POU6F2: variants seen among roughly 807,000 people sequenced by gnomAD.
The protein encoded by POU6F2 is POU domain, class 6, transcription factor 2.
Under a neutral mutation model 71.3 loss-of-function variants are expected in POU6F2, and 31 were observed. The ratio of observed to expected loss-of-function variants is 0.43; its 90% CI spans 0.33 to 0.59. The LOEUF is 0.59. POU6F2 is among the 20% of genes least tolerant of loss of function. The probability of loss-of-function intolerance (pLI) is 0.04; values close to 1 mark genes in which losing one functional copy is unlikely to be tolerated. For synonymous variants in POU6F2, 347 were observed against 355.7 expected (o/e 0.98, Z 0.27); for missense variants, 783 against 856.8 (o/e 0.91, Z 1.07).
rs547465307 is a variant in POU6F2, at chr7:39,231,010, T to C, written c.598+23390T>C. ...TTGTTGTTGTAATTGGTGGTGGTGG[T>C]GCTACTGGCATCTAGAGGGTAGAGA... On this transcript the variant is annotated intron_variant, in intron 4 of 9. Transcript: ENST00000518318. Among the ~76,000 whole-genome samples, 3 of 152,302 alleles carry C rather than the reference T, an allele frequency of 2.0e-5. No individual in the cohort carries two copies. In the South Asian group the frequency reaches 6.2e-4, roughly 32 times the overall value.
intron 1 of POU6F2, among the ~76,000 whole-genome samples, chr7:39,007,979 AT>A (rs1789135090): frequency 6.7e-6 from 1 of 149,694 alleles, no homozygotes; most frequent in Admixed American, 6.7e-5. Flanking sequence ...TAGTGCCGCA[AT>A]AAACATACGT....
intron 1 of POU6F2, among the ~76,000 whole-genome samples, chr7:39,070,171 A>G (rs985105183): frequency 3.9e-5 from 6 of 152,344 alleles, no homozygotes; most frequent in African/African-American, 1.4e-4. Flanking sequence ...TTGATTCTCA[A>G]AAGGAATTTG....
In POU6F2 at chr7:39,296,163, T is replaced by C. The variant is rs151035090; in HGVS notation, c.599-43479T>C. ...CCAGTCTTCCTACATAGATTCCTGCTGTACATTCTCTGGGTTTTTATCTTT... is the reference window on the plus strand; with the variant it reads ...CCAGTCTTCCTACATAGATTCCTGCCGTACATTCTCTGGGTTTTTATCTTT... On this transcript the variant is annotated intron_variant, in intron 4 of 9. Transcript: ENST00000518318. 7.4e-3 allele frequency among the ~76,000 whole-genome samples: 1,130 copies of C among 152,334 alleles called. 16 individuals are homozygous for C. The highest frequency in any genetic ancestry group is 0.026 in the African/African-American group (1,086 of 41,576).
At chr7:39,219,175 C>G (rs1794301090) in intron 4 of POU6F2, among the ~76,000 whole-genome samples, 1 of 152,048 alleles carries the variant, frequency 6.6e-6, no homozygotes. Context: ...TGTTGCTTAC[C>G]CCTTATTTAG....
intron 1 of POU6F2, among the ~76,000 whole-genome samples, chr7:38,980,979 A>C (rs1339602837): frequency 6.6e-6 from 1 of 152,134 alleles, no homozygotes; most frequent in Non-Finnish European, 1.5e-5. Flanking sequence ...CTCCTCCCCC[A>C]AGCAAGCAAT....
At chr7:39,067,397 TAA>T (rs1300837397) in intron 1 of POU6F2, among the ~76,000 whole-genome samples, 1 of 151,558 alleles carries the variant, frequency 6.6e-6, no homozygotes, top group Non-Finnish European at 1.5e-5. Context: ...ATAAAAGTAA[TAA>T]AATAAAACAT....
chr7:39,303,346 A>C (rs1228853000), intron 4 of POU6F2, among the ~76,000 whole-genome samples: 1 of 151,892 alleles, frequency 6.6e-6, no homozygotes, highest in Non-Finnish European at 1.5e-5. Flanking sequence ...ACGGGGTTTC[A>C]CCATGTTATC....
chr7:39,098,304 G>T (rs1027448604), intron 2 of POU6F2, among the ~76,000 whole-genome samples: 2 of 151,366 alleles, frequency 1.3e-5, no homozygotes, highest in Admixed American at 6.6e-5. Flanking sequence ...CTGAGACAAG[G>T]TCTTGCTCTA....
chr7:39,168,752 C>T (rs1234025010), intron 2 of POU6F2, among the ~76,000 whole-genome samples: 4 of 152,098 alleles, frequency 2.6e-5, no homozygotes, highest in African/African-American at 9.7e-5. Context: ...ATAGAAAGGA[C>T]GCTAAAGAAA....
Position 39,139,604 on chromosome 7 carries a change from C to T in POU6F2, c.277+53573C>T, listed in dbSNP as rs529287841. On this transcript the variant is annotated intron_variant, in intron 2 of 9. Coordinates refer to ENST00000518318, the MANE Select transcript of POU6F2 (RefSeq NM_001370959.1). ...GCAAGATTGGAACCAACTCCGGCCA[C>T]GATTTGTGCTAGATTCTCCTTCTCA... 7.9e-5 allele frequency among the ~76,000 whole-genome samples: 12 copies of T among 152,278 alleles called. No individual in the cohort carries two copies. In the East Asian group the frequency reaches 2.1e-3, roughly 27 times the overall value.
chr7:39,067,942 G>T (rs1171011687), intron 1 of POU6F2, among the ~76,000 whole-genome samples: 2 of 152,076 alleles, frequency 1.3e-5, no homozygotes, highest in Non-Finnish European at 2.9e-5. Context: ...CATACACTGA[G>T]AACATAAATT....
At chr7:39,362,723 T>C (rs1034613378) in intron 5 of POU6F2, among the ~76,000 whole-genome samples, 2 of 151,746 alleles carry the variant, frequency 1.3e-5, no homozygotes, top group Non-Finnish European at 2.9e-5. Flanking sequence ...ATAACTTACA[T>C]GGGGGGAATA....
At chr7:39,346,927 A>G (rs893546565) in intron 5 of POU6F2, among the ~76,000 whole-genome samples, 4 of 152,208 alleles carry the variant, frequency 2.6e-5, no homozygotes, top group African/African-American at 9.6e-5. Flanking sequence ...ATATTTACTG[A>G]GCACCTGTGC....
intron 1 of POU6F2, among the ~76,000 whole-genome samples, chr7:39,042,324 G>A (rs1790208238): frequency 6.6e-6 from 1 of 151,966 alleles, no homozygotes; most frequent in Non-Finnish European, 1.5e-5. Context: ...GTACTTCTCT[G>A]CCCTTTAGAA....
chr7:39,338,798 C>T (rs995008040), intron 4 of POU6F2, among the ~76,000 whole-genome samples: 1 of 152,216 alleles, frequency 6.6e-6, no homozygotes, highest in Non-Finnish European at 1.5e-5. Context: ...TTCAGTGCTA[C>T]ATGGGCATGT....
chr7:39,066,718 TC>T (rs1011819601), intron 1 of POU6F2, among the ~76,000 whole-genome samples: 3 of 150,770 alleles, frequency 2.0e-5, no homozygotes, highest in Non-Finnish European at 3.0e-5. Flanking sequence ...TGACATTTAT[TC>T]CCCCCCTTTT....
At chr7:39,159,503 A>G (rs1562727832) in intron 2 of POU6F2, among the ~76,000 whole-genome samples, 1 of 152,202 alleles carries the variant, frequency 6.6e-6, no homozygotes, top group East Asian at 1.9e-4. Flanking sequence ...TTTAATTTCT[A>G]TGTAGTCTTT....
At chr7:39,001,343 A>G (rs1788898834) in intron 1 of POU6F2, among the ~76,000 whole-genome samples, 1 of 152,092 alleles carries the variant, frequency 6.6e-6, no homozygotes, top group Non-Finnish European at 1.5e-5. Flanking sequence ...ATTTTTATCG[A>G]GTACTTGTTA....
intron 4 of POU6F2, among the ~76,000 whole-genome samples, chr7:39,331,408 C>G (rs1331116697): frequency 6.6e-6 from 1 of 152,154 alleles, no homozygotes; most frequent in Admixed American, 6.5e-5. Context: ...TGTAAGTGTT[C>G]CCTCTTCACG....
Sources: allele counts gnomAD v4.1 joint callset (sites outside exome capture counted in the v4.1 genomes callset), GRCh38; gene constraint gnomAD v4.1.1; transcripts MANE v1.5; gene names NCBI Gene and HGNC (gene_info 2026-07-23, HGNC 2026-07-21).